The following SLC12A6 variants were observed in gnomAD, a reference collection of about 807,000 sequenced individuals.
SLC12A6 encodes K-Cl cotransporter 3.
A neutral mutation model predicts 135.3 loss-of-function variants in SLC12A6; 66 were observed. That is an observed-to-expected ratio of 0.49 (90% CI 0.40 to 0.60). The LOEUF (loss-of-function observed/expected upper bound fraction) is 0.60, where lower values mean the gene tolerates loss of function less well. Among genes scored for constraint, SLC12A6 ranks in the 20% least tolerant of loss-of-function variants. The pLI is 0.00. For missense variants in SLC12A6, 1,058 were observed against 1,452.3 expected, an observed-to-expected ratio of 0.73 and a Z score of 4.41; for synonymous variants, 513 against 508.8, an observed-to-expected ratio of 1.01 and a Z score of -0.11.
chr15:34,291,734 A>G (rs1321207624), intron 2 of SLC12A6, among the ~76,000 whole-genome samples: 1 of 151,280 alleles, frequency 6.6e-6, no homozygotes, highest in Non-Finnish European at 1.5e-5. Context: ...CATTAATTTG[A>G]TCTTCGATCA....
At chr15:34,331,251 T>C (rs772304013) in intron 2 of SLC12A6, among the ~76,000 whole-genome samples, 5 of 152,170 alleles carry the variant, frequency 3.3e-5, no homozygotes, top group Admixed American at 1.3e-4. Context: ...CAGGTTCTCA[T>C]GCCTCAGCCA....
intron 2 of SLC12A6, among the ~76,000 whole-genome samples, chr15:34,303,605 TA>T (rs1896404941): frequency 6.6e-6 from 1 of 152,218 alleles, no homozygotes; most frequent in Non-Finnish European, 1.5e-5. Context: ...GTTGGAAACT[TA>T]ATCCCCAATG....
chr15:34,317,658 AC>A (rs758779485), intron 2 of SLC12A6, among the ~76,000 whole-genome samples: 6 of 152,080 alleles, frequency 3.9e-5, no homozygotes, highest in Non-Finnish European at 8.8e-5. Flanking sequence ...AGCCGAGATC[AC>A]CCCACTGCAT....
chr15:34,261,917 T>C (rs1363634402), intron 3 of SLC12A6, among the ~76,000 whole-genome samples: 1 of 152,254 alleles, frequency 6.6e-6, no homozygotes, highest in East Asian at 1.9e-4. Context: ...GAATGTAAAT[T>C]AGTTCAGTCA....
At chr15:34,334,947 A>G (rs528349291) in intron 2 of SLC12A6, among the ~76,000 whole-genome samples, 1 of 152,352 alleles carries the variant, frequency 6.6e-6, no homozygotes, top group South Asian at 2.1e-4. Context: ...TAAAAATACA[A>G]TTCTGTAACA....
chr15:34,244,021 T>C lies in SLC12A6; in HGVS notation c.1995A>G (p.Thr665=), dbSNP rs765187756. Reference sequence around the variant, plus strand: ...GTCTCCAGTTGGGTGTTCGAAGTAATGTTTGCAAGGCACATGCCAAGTTTA... The same window carrying C: ...GTCTCCAGTTGGGTGTTCGAAGTAACGTTTGCAAGGCACATGCCAAGTTTA... ...LFVNLACALQ[T]LLRTPNWRPR... is the part of the protein sequence containing the mutation. Residue 665 remains threonine, a synonymous_variant, in exon 16 of 26, where the codon ACA becomes ACG. Transcript: ENST00000354181. 1 of 1,610,644 alleles carries C rather than the reference T, an allele frequency of 6.2e-7. No homozygotes were observed.
intron 2 of SLC12A6, among the ~76,000 whole-genome samples, chr15:34,325,459 T>C (rs1889397307): frequency 6.6e-6 from 1 of 152,204 alleles, no homozygotes; most frequent in South Asian, 2.1e-4. Flanking sequence ...TGAAACTGTC[T>C]ATGAAAATGC....
Position 34,231,751 on chromosome 15 carries a change from G to C in SLC12A6, c.*2130C>G, listed in dbSNP as rs1566794612. 6.6e-6 allele frequency: 1 copy of C among 151,962 alleles called. No individual in the cohort carries two copies. The highest frequency in any genetic ancestry group is 1.5e-5 in the Non-Finnish European group (1 of 68,034). The allele number at this position is 151,962 out of a possible 1,614,324, so 9.4% of individuals were successfully genotyped here. A position where few individuals can be genotyped will look rare whatever the true frequency, so the allele number is the denominator to read the frequency against. On this transcript the variant is annotated 3_prime_UTR_variant, in exon 26 of 26. Transcript: ENST00000354181. Reference sequence around the variant, plus strand: ...ACTACAGGCGCCCGCCACCATGCCCGACTAATTTTTTTGTATTTTTGTAGA... The same window carrying C: ...ACTACAGGCGCCCGCCACCATGCCCCACTAATTTTTTTGTATTTTTGTAGA...
chr15:34,255,147 C>G, intron 8 of SLC12A6, 115 bp downstream of exon 8: 2 of 879,920 alleles, frequency 2.3e-6, no homozygotes, highest in Admixed American at 3.5e-5. Context: ...CTGACGTTGG[C>G]AGTCAATCAC....
At chr15:34,282,768 A>C (rs928857637) in intron 2 of SLC12A6, among the ~76,000 whole-genome samples, 6 of 152,178 alleles carry the variant, frequency 3.9e-5, no homozygotes, top group African/African-American at 1.4e-4. Context: ...CAGTATTTTC[A>C]AAATTTGCCT....
chr15:34,275,468 G>T, intron 2 of SLC12A6, 79 bp from the exon 3 acceptor site: 1 of 823,134 alleles, frequency 1.2e-6, no homozygotes, highest in Non-Finnish European at 2.1e-6. Context: ...AGCAACAAAA[G>T]TCAACCAAGG....
intron 2 of SLC12A6, among the ~76,000 whole-genome samples, chr15:34,281,390 C>T (rs774472443): frequency 4.6e-5 from 7 of 152,034 alleles, no homozygotes; most frequent in Non-Finnish European, 5.9e-5. Context: ...ACAAGTTGAA[C>T]TAAGTCAAAA....
At chr15:34,286,574 C>A (rs973712389) in intron 2 of SLC12A6, among the ~76,000 whole-genome samples, 8 of 151,684 alleles carry the variant, frequency 5.3e-5, no homozygotes, top group African/African-American at 1.9e-4. Context: ...GTGGGTGGAT[C>A]ACTTGAGGTC....
chr15:34,289,048 T>C lies in SLC12A6; in HGVS notation c.272-13659A>G, dbSNP rs538651165. On this transcript the variant is annotated intron_variant, in intron 2 of 25. Coordinates refer to ENST00000354181, the MANE Select transcript of SLC12A6 (RefSeq NM_001365088.1). ...TGAATAGGAGTGGTGAGAGAGGGCA[T>C]CCTTGTCTTGTCCCGGTTTTCAAAG... Among the ~76,000 whole-genome samples, 7 of 152,334 alleles carry C rather than the reference T, an allele frequency of 4.6e-5. 1 individual carries two copies. In the East Asian group the frequency reaches 1.3e-3, roughly 29 times the overall value.
intron 2 of SLC12A6, among the ~76,000 whole-genome samples, chr15:34,334,794 G>T (rs1035168159): frequency 6.6e-6 from 1 of 152,076 alleles, no homozygotes; most frequent in African/African-American, 2.4e-5. Flanking sequence ...TTTTACCCCT[G>T]TAGTCCCATT....
chr15:34,267,488 G>C (rs893504999), intron 3 of SLC12A6, among the ~76,000 whole-genome samples: 7 of 152,180 alleles, frequency 4.6e-5, no homozygotes, highest in Non-Finnish European at 7.3e-5. Flanking sequence ...GTGCACTGTA[G>C]AATATTTAAG....
At chr15:34,307,159 A>T (rs886696798) in intron 2 of SLC12A6, among the ~76,000 whole-genome samples, 8 of 152,202 alleles carry the variant, frequency 5.3e-5, no homozygotes, top group Non-Finnish European at 1.2e-4. Context: ...AGTTAACTTT[A>T]TGTCAACTGC....
chr15:34,242,087 TA>T lies in SLC12A6; in HGVS notation c.2162+14del. On this transcript the variant is annotated intron_variant, in intron 17 of 25. Transcript: ENST00000354181. ...TGCTACTTTTAGCAGTGATCAAGAT[TA>T]AATCCACACTCACCCTTGGTATTCA... 6.2e-7 allele frequency: 1 copy of T among 1,600,808 alleles called. No individual in the cohort carries two copies. Among genetic ancestry groups the T allele is most frequent in the African/African-American group, 1.3e-5 (1 of 74,784 alleles).
chr15:34,328,087 G>C (rs909597729), intron 2 of SLC12A6, among the ~76,000 whole-genome samples: 6 of 151,010 alleles, frequency 4.0e-5, no homozygotes, highest in Non-Finnish European at 8.8e-5. Context: ...ACCCAGCTCT[G>C]AGCTAAGATA....
Sources: allele counts gnomAD v4.1 joint callset (sites outside exome capture counted in the v4.1 genomes callset), GRCh38; gene constraint gnomAD v4.1.1; transcripts MANE v1.5; gene names NCBI Gene and HGNC (gene_info 2026-07-23, HGNC 2026-07-21).